TNNT3: variants seen among roughly 807,000 people sequenced by gnomAD.
TNNT3 encodes troponin T, fast skeletal muscle.
TNNT3 carries 36 observed loss-of-function variants against 54.2 expected under a neutral mutation model. That is an observed-to-expected ratio of 0.66 (90% CI 0.51 to 0.88). TNNT3 has a LOEUF of 0.88. Ranked by LOEUF, TNNT3 falls within the 40% of genes least tolerant of loss-of-function variation. The pLI, the probability that TNNT3 is intolerant of heterozygous loss-of-function variation, is 0.00. For synonymous variants in TNNT3, 120 were observed against 109.7 expected (o/e 1.09, Z -0.59); for missense variants, 291 against 331.6 (o/e 0.88, Z 0.95).
At chr11:1,932,438 C>T in intron 8 of TNNT3, 31 bp from the exon 9 acceptor site, 1 of 1,612,524 alleles carries the variant, frequency 6.2e-7, no homozygotes, top group South Asian at 1.1e-5. Flanking sequence ...CTCCGGGTCT[C>T]TGCTCACGGG....
intron 14 of TNNT3, among the ~76,000 whole-genome samples, chr11:1,936,657 C>G (rs1014510112): frequency 6.6e-6 from 1 of 152,246 alleles, no homozygotes; most frequent in African/African-American, 2.4e-5. Flanking sequence ...ATCCGTGCTC[C>G]GTACCCCCCG....
At chr11:1,920,666 C>G (rs1849895653) in intron 1 of TNNT3, among the ~76,000 whole-genome samples, 1 of 152,148 alleles carries the variant, frequency 6.6e-6, no homozygotes, top group African/African-American at 2.4e-5. Context: ...CTGCCCTGGC[C>G]CCGTCACCTC....
chr11:1,936,580 G>A (rs988787261), intron 14 of TNNT3, among the ~76,000 whole-genome samples: 36 of 152,226 alleles, frequency 2.4e-4, no homozygotes, highest in Non-Finnish European at 4.4e-4. Flanking sequence ...TGAGCTCAGC[G>A]GCTGAAGGGA....
rs773741256 is a variant in TNNT3, at chr11:1,934,322, G to A, written c.367-10G>A. ...CATCCCTGAGCATCTTGGGAATGGG[G>A]TCTCCACAGGAGGAAAAGGCCAGAA... On this transcript the variant is annotated splice_polypyrimidine_tract_variant and intron_variant, in intron 11 of 15. Coordinates refer to ENST00000278317, the MANE Select transcript of TNNT3 (RefSeq NM_006757.4). 1 of 1,610,458 alleles carries A rather than the reference G, an allele frequency of 6.2e-7. No homozygotes were observed. The highest frequency in any genetic ancestry group is 1.1e-5 in the South Asian group (1 of 90,984).
At chr11:1,921,604 G>A (rs1043726302) in intron 1 of TNNT3, 1 of 152,242 alleles carries the variant, frequency 6.6e-6, no homozygotes, top group African/African-American at 2.4e-5. Context: ...TTGCCTGGAA[G>A]ACAGCTATCT....
At chr11:1,930,353 G>A (rs1332628486) in intron 8 of TNNT3, among the ~76,000 whole-genome samples, 2 of 152,130 alleles carry the variant, frequency 1.3e-5, no homozygotes, top group Non-Finnish European at 2.9e-5. Context: ...AAGTGAGTCC[G>A]GAAGTGGAGA....
Position 1,926,707 on chromosome 11 carries a change from A to C in TNNT3, c.80A>C (p.Glu27Ala). Residue 27 changes from glutamate to alanine, a missense_variant and splice_region_variant, in exon 6 of 16, where the codon GAA becomes GCA. Coordinates refer to ENST00000278317, the MANE Select transcript of TNNT3 (RefSeq NM_006757.4). ...EEAQEEEEVQ[E>A]DTAEEDAEEE... ...GCTGCTTCTGCAGAGGAAGTTCAAG[A>C]AGGTACGCCGGCGCTCCCCCGCCTC... 6.2e-7 allele frequency: 1 copy of C among 1,613,172 alleles called. No homozygotes were observed. Among genetic ancestry groups the C allele is most frequent in the South Asian group, 1.1e-5 (1 of 91,078 alleles).
In TNNT3 at chr11:1,934,038, TCAGAGAATGAGCCCCAGGCC is replaced by T. The variant is rs750413235; in HGVS notation, c.366+38_366+57del. ...GGGCACCATCCGCACTGCTGCCTCA[TCAGAGAATGAGCCCCAGGCC>T]CAGAGAAATGCAGGGGGCTGAGGCC... is the stretch of plus-strand genomic sequence containing the variant. On this transcript the variant is annotated intron_variant, in intron 11 of 15. Transcript: ENST00000278317. 2.2e-5 allele frequency: 36 copies of T among 1,601,764 alleles called. No homozygotes were observed. The East Asian group carries it at 8.0e-4, about 36-fold the overall frequency.
intron 4 of TNNT3, among the ~76,000 whole-genome samples, chr11:1,924,224 C>T (rs1277346519): frequency 2.6e-5 from 4 of 152,200 alleles, no homozygotes; most frequent in African/African-American, 9.6e-5. Context: ...ATGCCACCCC[C>T]CAACCCTGTG....
intron 14 of TNNT3, among the ~76,000 whole-genome samples, chr11:1,936,446 C>T (rs928650688): frequency 1.3e-5 from 2 of 152,196 alleles, no homozygotes; most frequent in African/African-American, 4.8e-5. Flanking sequence ...TGTTGGCAAG[C>T]GAGGAAGGGC....
At chr11:1,932,381 G>T in intron 8 of TNNT3, 88 bp from the exon 9 acceptor site, 1 of 1,309,976 alleles carries the variant, frequency 7.6e-7, no homozygotes, top group Non-Finnish European at 1.1e-6. Context: ...CACCAGGGTT[G>T]GCAGGGGCCA....
chr11:1,921,921 C>A (rs1474944198), intron 1 of TNNT3, among the ~76,000 whole-genome samples: 1 of 152,200 alleles, frequency 6.6e-6, no homozygotes, highest in Non-Finnish European at 1.5e-5. Flanking sequence ...CGGTCCCCAG[C>A]ATGCTGGCCT....
intron 8 of TNNT3, 123 bp downstream of exon 8, chr11:1,929,951 G>C (rs1564816468): frequency 7.4e-7 from 1 of 1,344,886 alleles, no homozygotes; most frequent in East Asian, 2.5e-5. Context: ...GGCCAAGTGA[G>C]TGTGGGGTCC....
chr11:1,935,861 C>T (rs1854867897), intron 14 of TNNT3, among the ~76,000 whole-genome samples: 1 of 152,114 alleles, frequency 6.6e-6, no homozygotes, highest in East Asian at 1.9e-4. Context: ...GGGCAGGCCA[C>T]CTGTTCCACC....
intron 8 of TNNT3, among the ~76,000 whole-genome samples, chr11:1,930,720 A>G (rs1256938979): frequency 6.6e-6 from 1 of 152,188 alleles, no homozygotes; most frequent in Non-Finnish European, 1.5e-5. Context: ...AAGAGTGAGA[A>G]CATCTGAAGG....
chr11:1,935,058 G>A (rs1347857078), intron 14 of TNNT3, 139 bp downstream of exon 14: 2 of 811,374 alleles, frequency 2.5e-6, no homozygotes, highest in Admixed American at 1.9e-5. Flanking sequence ...ACAGGCTGTT[G>A]CCACGGACCC....
At chr11:1,929,767 C>CACGCTGGTGTCCCTCTCCCT in intron 7 of TNNT3, 43 bp from the exon 8 acceptor site, 2 of 1,551,482 alleles carry the variant, frequency 1.3e-6, no homozygotes, top group Non-Finnish European at 1.7e-6. Context: ...TCCCTCTCCC[C>CACGCTGGTGTCCCTCTCCCT]ACGCTGGTGT....
chr11:1,921,759 CA>C lies in TNNT3; in HGVS notation c.-18-1097del, dbSNP rs567038160. ...GTGTGTTTTCCTTATACAACACTCCCAGGGGGGACCGTAGCTATTGTCTTCG... is the reference window on the plus strand; with the variant it reads ...GTGTGTTTTCCTTATACAACACTCCCGGGGGGACCGTAGCTATTGTCTTCG... On this transcript the variant is annotated intron_variant, in intron 1 of 15. Transcript: ENST00000278317. The C allele has an allele frequency of 9.7e-4, 148 of 152,320 alleles. 1 individual carries two copies. Among genetic ancestry groups the C allele is most frequent in the African/African-American group, 3.4e-3 (140 of 41,564 alleles). The allele number at this position is 152,320 out of a possible 1,614,324, so 9.4% of individuals were successfully genotyped here.
At chr11:1,935,940 G>C (rs1255541432) in intron 14 of TNNT3, among the ~76,000 whole-genome samples, 1 of 152,180 alleles carries the variant, frequency 6.6e-6, no homozygotes, top group Non-Finnish European at 1.5e-5. Context: ...TGTCCCCAGG[G>C]GGTCCAGGCA....
Sources: allele counts gnomAD v4.1 joint callset (sites outside exome capture counted in the v4.1 genomes callset), GRCh38; gene constraint gnomAD v4.1.1; transcripts MANE v1.5; gene names NCBI Gene and HGNC (gene_info 2026-07-23, HGNC 2026-07-21).